Variants in ANKRD52 observed in about 807,000 individuals in gnomAD.
ANKRD52 encodes serine/threonine-protein phosphatase 6 regulatory ankyrin repeat subunit C.
ANKRD52 carries 7 observed loss-of-function variants against 116.0 expected under a neutral mutation model. The observed-to-expected ratio is 0.06, with a 90% confidence interval of 0.03 to 0.11. The LOEUF is 0.11. Ranked by LOEUF, ANKRD52 falls within the 10% of genes least tolerant of loss-of-function variation. ANKRD52 has a pLI of 1.00. For synonymous variants in ANKRD52, 528 were observed against 578.1 expected (o/e 0.91, Z 1.24); for missense variants, 839 against 1,408.6 (o/e 0.60, Z 6.47).
rs776557865 is a variant in ANKRD52 at position 56,244,676 on chromosome 12, C to G, written c.2698G>C (p.Glu900Gln). ...TGRTALMTAA[E>Q]NGQTAAVEFL... ...CCCACAGCAGCGGTCTGCCCGTTCT[C>G]AGCCGCCGTCATGAGCGCAGTGCGG... Residue 900 changes from glutamate to glutamine, a missense_variant, in exon 24 of 28, where the codon GAG (glutamate) becomes CAG (glutamine). By Grantham distance (29) the Glu-to-Gln change is conservative. This residue lies in a region of ANKRD52 where 552 missense variants were observed against 810.6 expected (regional missense o/e 0.68). Coordinates refer to ENST00000267116, the MANE Select transcript of ANKRD52 (RefSeq NM_173595.4). This position sits in a 1 kb window ranked among gnomAD's most constrained non-coding sequence, Gnocchi z 4.9. 1.9e-6 allele frequency: 3 copies of G among 1,613,964 alleles called. No individual in the cohort carries two copies. Among genetic ancestry groups the G allele is most frequent in the Non-Finnish European group, 2.5e-6 (3 of 1,179,908 alleles).
At position 56,243,122 on chromosome 12, in the gene ANKRD52, G is replaced by T; in HGVS notation, c.*20C>A. The T allele has an allele frequency of 6.4e-7, 1 of 1,573,692 alleles. No homozygotes were observed. Among genetic ancestry groups the T allele is most frequent in the South Asian group, 1.1e-5 (1 of 88,136 alleles). On this transcript the variant is annotated 3_prime_UTR_variant, in exon 28 of 28. Coordinates refer to ENST00000267116, the MANE Select transcript of ANKRD52 (RefSeq NM_173595.4). This position sits in a 1 kb window ranked among gnomAD's most constrained non-coding sequence, Gnocchi z 4.6. ...GAATTAGATATCAAGCCACCGGCGGGGGAGGGACACTGGAGGGGGCTACTC... is the reference window on the plus strand; with the variant it reads ...GAATTAGATATCAAGCCACCGGCGGTGGAGGGACACTGGAGGGGGCTACTC...
chr12:56,244,151 A>T lies in ANKRD52; in HGVS notation c.2806-18T>A. ...TCATGGCCCTGAGGGAGGGGAACAG[A>T]GAGTGGAGACTTGTGAAGTAGAAAT... On this transcript the variant is annotated intron_variant, in intron 25 of 27. Transcript: ENST00000267116. This position sits in a 1 kb window ranked among gnomAD's most constrained non-coding sequence, Gnocchi z 4.9. The T allele has an allele frequency of 6.2e-7, 1 of 1,613,086 alleles. No homozygotes were observed. Among genetic ancestry groups the T allele is most frequent in the Non-Finnish European group, 8.5e-7 (1 of 1,179,106 alleles).
Position 56,241,900 on chromosome 12 carries a change from T to C in ANKRD52, c.*1242A>G, listed in dbSNP as rs1871185386. The C allele has an allele frequency of 2.5e-6, 1 of 398,258 alleles. No individual in the cohort carries two copies. Among genetic ancestry groups the C allele is most frequent in the Non-Finnish European group, 4.4e-6 (1 of 226,094 alleles). The allele number at this position is 398,258 out of a possible 1,614,324, so 24.7% of individuals were successfully genotyped here. On this transcript the variant is annotated 3_prime_UTR_variant, in exon 28 of 28. Coordinates refer to ENST00000267116, the MANE Select transcript of ANKRD52 (RefSeq NM_173595.4). Reference sequence around the variant, plus strand: ...GTGCAGCCCCCAGCTCAATCCCATCTTTCCTCCCTGCTGGGAAGGCAGGGA... The same window carrying C: ...GTGCAGCCCCCAGCTCAATCCCATCCTTCCTCCCTGCTGGGAAGGCAGGGA...
chr12:56,253,665 G>T lies in ANKRD52; in HGVS notation c.985+57C>A. 1.3e-6 allele frequency: 2 copies of T among 1,566,198 alleles called. No homozygotes were observed. The highest frequency in any genetic ancestry group is 1.1e-5 in the South Asian group (1 of 89,524). On this transcript the variant is annotated intron_variant, in intron 9 of 27. Coordinates refer to ENST00000267116, the MANE Select transcript of ANKRD52 (RefSeq NM_173595.4). This position sits in a 1 kb window ranked among gnomAD's most constrained non-coding sequence, Gnocchi z 5.5. The stretch of plus-strand genomic sequence containing the variant: ...AAGTTAGGAACCTCCCTAGATTCTA[G>T]AAATGAGTTCCTTGGGGGAGGAGGG...
Position 56,244,696 on chromosome 12 carries a change from G to C in ANKRD52, c.2678C>G (p.Thr893Ser). 1 of 1,613,942 alleles carries C rather than the reference G, an allele frequency of 6.2e-7. No homozygotes were observed. The highest frequency in any genetic ancestry group is 1.1e-5 in the South Asian group (1 of 91,090). Residue 893 changes from threonine to serine, a missense_variant, in exon 24 of 28, where the codon ACT (threonine) becomes AGT (serine). This residue lies in a region of ANKRD52 where 552 missense variants were observed against 810.6 expected (regional missense o/e 0.68). Transcript: ENST00000267116. This position sits in a 1 kb window ranked among gnomAD's most constrained non-coding sequence, Gnocchi z 4.9. ...EVNATDHTGR[T>S]ALMTAAENGQ... is the part of the protein sequence containing the mutation. Reference sequence around the variant, plus strand: ...GTTCTCAGCCGCCGTCATGAGCGCAGTGCGGCCAGTGTGGTCAGTGGCGTT... The same window carrying C: ...GTTCTCAGCCGCCGTCATGAGCGCACTGCGGCCAGTGTGGTCAGTGGCGTT...
Position 56,248,044 on chromosome 12 carries a change from A to G in ANKRD52, c.1957T>C (p.Trp653Arg). ...SALIKERKRK[W>R]TPLHAAAASG... is the part of the protein sequence containing the mutation. ...TAACCAGCAGCGTGCAGGGGTGTCC[A>G]CTTGCGCTTGCGCTCCTTGATGAGG... Residue 653 changes from tryptophan (W) to arginine (R), a missense_variant, in exon 18 of 28, where the codon TGG becomes CGG. Physicochemically the swap from Trp to Arg is moderately radical, Grantham distance 101. Transcript: ENST00000267116. This position sits in a 1 kb window ranked among gnomAD's most constrained non-coding sequence, Gnocchi z 5.1. The G allele has an allele frequency of 6.2e-7, 1 of 1,606,750 alleles. No individual in the cohort carries two copies.
Position 56,253,301 on chromosome 12 carries a change from C to T in ANKRD52, c.1087G>A (p.Ala363Thr). The T allele has an allele frequency of 6.2e-7, 1 of 1,613,498 alleles. No individual in the cohort carries two copies. Among genetic ancestry groups the T allele is most frequent in the Non-Finnish European group, 8.5e-7 (1 of 1,179,662 alleles). Residue 363 changes from alanine to threonine, a missense_variant, in exon 10 of 28, where the codon GCA (alanine) becomes ACA (threonine). Physicochemically the swap from Ala to Thr is moderately conservative, Grantham distance 58 (BLOSUM62 0). This residue lies in a region of ANKRD52 where 287 missense variants were observed against 598.1 expected (regional missense o/e 0.48). Transcript: ENST00000267116. The surrounding 1 kb of genome is among the most constrained non-coding windows in gnomAD (Gnocchi z 5.5). ...LLISTLMTNG[A>T]DTARRGIHDM... Reference sequence around the variant, plus strand: ...GCCCTGACTCACCGGGCGGTATCTGCGCCATTGGTCATGAGGGTGCTGATG... The same window carrying T: ...GCCCTGACTCACCGGGCGGTATCTGTGCCATTGGTCATGAGGGTGCTGATG...
intron 15 of ANKRD52, among the ~76,000 whole-genome samples, chr12:56,250,928 A>C (rs1592392301): frequency 6.6e-6 from 1 of 151,884 alleles, no homozygotes; most frequent in East Asian, 1.9e-4. Flanking sequence ...TTAAATTTTT[A>C]TTTAATTTTA....
rs1871269425 is a variant in ANKRD52, at chr12:56,243,726, C to T, written c.2980+59G>A. On this transcript the variant is annotated intron_variant, in intron 27 of 27. Coordinates refer to ENST00000267116, the MANE Select transcript of ANKRD52 (RefSeq NM_173595.4). This position sits in a 1 kb window ranked among gnomAD's most constrained non-coding sequence, Gnocchi z 4.6. ...TATAGCAAGATTAAGAAGTCACCTCCTGAAGAATGTCCCTGACCCCAAACC... is the reference window on the plus strand; with the variant it reads ...TATAGCAAGATTAAGAAGTCACCTCTTGAAGAATGTCCCTGACCCCAAACC... 1.3e-6 allele frequency: 2 copies of T among 1,491,598 alleles called. No individual in the cohort carries two copies. Among genetic ancestry groups the T allele is most frequent in the Admixed American group, 2.0e-5 (1 of 49,292 alleles). The allele number at this position is 1,491,598 out of a possible 1,614,324, so 92.4% of individuals were successfully genotyped here.
In ANKRD52 at chr12:56,237,909, G is replaced by C; in HGVS notation, c.*5233C>G. The C allele has an allele frequency of 5.1e-6, 4 of 778,156 alleles. No homozygotes were observed. The highest frequency in any genetic ancestry group is 7.6e-6 in the Non-Finnish European group (4 of 526,732). 48.2% of individuals were successfully genotyped at this position (778,156 alleles called of 1,614,324 possible). A position where few individuals can be genotyped will look rare whatever the true frequency, so the allele number is the denominator to read the frequency against. ...ATAGAAAACCAGAGTGTGGTGGGAG[G>C]ACCCGAAGCCGGTTGGGGGAGGATG... is the stretch of plus-strand genomic sequence containing the variant. On this transcript the variant is annotated 3_prime_UTR_variant, in exon 28 of 28. Coordinates refer to ENST00000267116, the MANE Select transcript of ANKRD52 (RefSeq NM_173595.4).
Position 56,243,304 on chromosome 12 carries a change from G to A in ANKRD52, c.3069C>T (p.Pro1023=). ...AGCTGAAAGGACTGACGGCGTCCTT[G>A]GGTGGGAAAGGCTTCATGGTGGAAA... ...LILSTMKPFP[P]KDAVSPFSFS... is the part of the protein sequence containing the mutation. The change falls in exon 28 of 28, where the codon CCC becomes CCT. Residue 1023 remains proline, a synonymous_variant. Coordinates refer to ENST00000267116, the MANE Select transcript of ANKRD52 (RefSeq NM_173595.4). The surrounding 1 kb of genome is among the most constrained non-coding windows in gnomAD (Gnocchi z 4.6). The A allele has an allele frequency of 1.2e-6, 2 of 1,614,016 alleles. No homozygotes were observed. Among genetic ancestry groups the A allele is most frequent in the South Asian group, 2.2e-5 (2 of 91,080 alleles).
chr12:56,246,297 T>A (rs1041397517), intron 20 of ANKRD52, among the ~76,000 whole-genome samples: 1 of 152,194 alleles, frequency 6.6e-6, no homozygotes, highest in Non-Finnish European at 1.5e-5. Context: ...TCCAAAGTGC[T>A]GGGATTACAG....
In ANKRD52 at chr12:56,253,525, A is replaced by G. The variant is rs916884346; in HGVS notation, c.986-123T>C. On this transcript the variant is annotated intron_variant, in intron 9 of 27. Transcript: ENST00000267116. This position sits in a 1 kb window ranked among gnomAD's most constrained non-coding sequence, Gnocchi z 5.5. ...AGGTGCCAGGCCCAGGATTCTACAT[A>G]TTTTATCCTGTTTCTAGGCCTTAGG... 23 of 949,186 alleles carry G rather than the reference A, an allele frequency of 2.4e-5. No homozygotes were observed. Among genetic ancestry groups the G allele is most frequent in the East Asian group, 1.5e-4 (6 of 40,178 alleles). The allele number at this position is 949,186 out of a possible 1,614,324, so 58.8% of individuals were successfully genotyped here.
Position 56,240,475 on chromosome 12 carries a change from G to A in ANKRD52, c.*2667C>T, listed in dbSNP as rs1871112474. The A allele has an allele frequency of 6.6e-6, 1 of 151,990 alleles. No individual in the cohort carries two copies. The highest frequency in any genetic ancestry group is 2.4e-5 in the African/African-American group (1 of 41,374). 9.4% of individuals were successfully genotyped at this position (151,990 alleles called of 1,614,324 possible). On this transcript the variant is annotated 3_prime_UTR_variant, in exon 28 of 28. Coordinates refer to ENST00000267116, the MANE Select transcript of ANKRD52 (RefSeq NM_173595.4). The surrounding 1 kb of genome is among the most constrained non-coding windows in gnomAD (Gnocchi z 4.2). ...AAGTGCTTTAGGGCTGCGGTGGGGA[G>A]AGGGGGGAGGGGGAGGGCAAAGGGA...
rs894773627 is a variant in ANKRD52 at position 56,248,636 on chromosome 12, C to T, written c.1705-70G>A. 8.7e-6 allele frequency: 13 copies of T among 1,499,988 alleles called. No homozygotes were observed. The highest frequency in any genetic ancestry group is 2.8e-5 in the African/African-American group (2 of 72,026). The allele number at this position is 1,499,988 out of a possible 1,614,324, so 92.9% of individuals were successfully genotyped here. ...AGATAGTACCCCAGTCCCCGACTCG[C>T]AGTAATCCCCACTAAGCCTCTGGAT... On this transcript the variant is annotated intron_variant, in intron 16 of 27. Transcript: ENST00000267116. The surrounding 1 kb of genome is among the most constrained non-coding windows in gnomAD (Gnocchi z 5.1).
Position 56,241,485 on chromosome 12 carries a change from C to T in ANKRD52, c.*1657G>A, listed in dbSNP as rs1477483640. On this transcript the variant is annotated 3_prime_UTR_variant, in exon 28 of 28. Coordinates refer to ENST00000267116, the MANE Select transcript of ANKRD52 (RefSeq NM_173595.4). ...GTATACAACTAAAAGATGGGTAAGACTGTGAATAAAGCAAACTTGAGTAGG... is the reference window on the plus strand; with the variant it reads ...GTATACAACTAAAAGATGGGTAAGATTGTGAATAAAGCAAACTTGAGTAGG... 6.6e-6 allele frequency: 1 copy of T among 152,490 alleles called. No individual in the cohort carries two copies. Among genetic ancestry groups the T allele is most frequent in the Admixed American group, 6.5e-5 (1 of 15,306 alleles). 9.4% of individuals were successfully genotyped at this position (152,490 alleles called of 1,614,324 possible). A position where few individuals can be genotyped will look rare whatever the true frequency, so the allele number is the denominator to read the frequency against.
chr12:56,251,388 G>T (rs886700522), intron 15 of ANKRD52, among the ~76,000 whole-genome samples: 15 of 151,842 alleles, frequency 9.9e-5, no homozygotes, highest in African/African-American at 3.4e-4. Context: ...GGGATTATAG[G>T]CGTGTGCCAC....
In ANKRD52 at chr12:56,255,752, C is replaced by T. The variant is rs1871921851; in HGVS notation, c.462+32G>A. 1 of 1,527,472 alleles carries T rather than the reference C, an allele frequency of 6.5e-7. No individual in the cohort carries two copies. Among genetic ancestry groups the T allele is most frequent in the Non-Finnish European group, 8.9e-7 (1 of 1,126,470 alleles). 94.6% of individuals were successfully genotyped at this position (1,527,472 alleles called of 1,614,324 possible). A position where few individuals can be genotyped will look rare whatever the true frequency, so the allele number is the denominator to read the frequency against. On this transcript the variant is annotated intron_variant, in intron 5 of 27. Coordinates refer to ENST00000267116, the MANE Select transcript of ANKRD52 (RefSeq NM_173595.4). This position sits in a 1 kb window ranked among gnomAD's most constrained non-coding sequence, Gnocchi z 4.3. ...GTAGGAAGGTAAGAAAAGGGAAAGCCCCAGCTGGGCCTGGATGGGAACAGT... is the reference window on the plus strand; with the variant it reads ...GTAGGAAGGTAAGAAAAGGGAAAGCTCCAGCTGGGCCTGGATGGGAACAGT...
chr12:56,255,717 G>A lies in ANKRD52; in HGVS notation c.462+67C>T, dbSNP rs1871918869. 1 of 1,463,622 alleles carries A rather than the reference G, an allele frequency of 6.8e-7. No individual in the cohort carries two copies. The highest frequency in any genetic ancestry group is 2.4e-4 in the Middle Eastern group (1 of 4,106). The allele number at this position is 1,463,622 out of a possible 1,614,324, so 90.7% of individuals were successfully genotyped here. A position where few individuals can be genotyped will look rare whatever the true frequency, so the allele number is the denominator to read the frequency against. On this transcript the variant is annotated intron_variant, in intron 5 of 27. Transcript: ENST00000267116. This position sits in a 1 kb window ranked among gnomAD's most constrained non-coding sequence, Gnocchi z 4.3. ...TTCAGGCTTGAGGGCCCAGAAGCAG[G>A]GAAACGTGAGTAGGAAGGTAAGAAA...
Sources: gnomAD v4.1 joint callset for allele counts (sites outside exome capture counted in the v4.1 genomes callset) on GRCh38, gnomAD v4.1.1 for gene constraint, gnomAD v4.1.1 regional missense constraint, Gnocchi (gnomAD v3.1) non-coding constraint, MANE v1.5 for transcripts, NCBI Gene and HGNC (gene_info 2026-07-23, HGNC 2026-07-21) for gene names.